The following KCNN2 variants were observed in gnomAD, a reference collection of about 807,000 sequenced individuals.
KCNN2 encodes small conductance calcium-activated potassium channel protein 2.
Under a neutral mutation model 55.5 loss-of-function variants are expected in KCNN2, and 24 were observed. The ratio of observed to expected loss-of-function variants is 0.43; its 90% CI spans 0.31 to 0.61. KCNN2 has a LOEUF of 0.61. Ranked by LOEUF, KCNN2 falls within the 20% of genes least tolerant of loss-of-function variation. The pLI is 0.08. For missense variants in KCNN2, 754 were observed against 853.6 expected (o/e 0.88, Z 1.45); for synonymous variants, 431 against 336.1 (o/e 1.28, Z -3.09).
intron 1 of KCNN2, among the ~76,000 whole-genome samples, chr5:114,128,651 T>A (rs1751987608): frequency 6.6e-6 from 1 of 152,202 alleles, no homozygotes; most frequent in Admixed American, 6.5e-5. Flanking sequence ...TTGGAACTCA[T>A]GTTAAGCTGA....
At chr5:114,138,506 A>G (rs1276594013) in intron 1 of KCNN2, among the ~76,000 whole-genome samples, 2 of 152,158 alleles carry the variant, frequency 1.3e-5, no homozygotes, top group East Asian at 1.9e-4. Context: ...TTCTCTATCA[A>G]TTGGGTGGAG....
At chr5:114,391,156 C>G (rs928130709) in intron 2 of KCNN2, among the ~76,000 whole-genome samples, 6 of 152,088 alleles carry the variant, frequency 3.9e-5, no homozygotes, top group African/African-American at 1.4e-4. Flanking sequence ...TAGAGCTTTT[C>G]CCAATACTGA....
intron 2 of KCNN2, among the ~76,000 whole-genome samples, chr5:114,277,788 C>T (rs185279582): frequency 1.4e-4 from 21 of 152,196 alleles, no homozygotes; most frequent in East Asian, 3.9e-4. Context: ...AGAACATGCT[C>T]CTTTAGCTTG....
Position 114,467,235 on chromosome 5 carries a change from G to GTGA in KCNN2, c.1779+4047_1779+4049dup, listed in dbSNP as rs1404700374. ...ATTAGCTAGAGCTCATAAAAAAGAA[G>GTGA]TGATTGGTATGAAAGAATGCGAAAC... On this transcript the variant is annotated intron_variant, in intron 4 of 7. Transcript: ENST00000673685. Among the ~76,000 whole-genome samples the GTGA allele has an allele frequency of 3.3e-5, 5 of 152,174 alleles. No homozygotes were observed. In the East Asian group the frequency reaches 9.6e-4, roughly 29 times the overall value.
chr5:114,379,775 T>C (rs971896082), intron 2 of KCNN2, among the ~76,000 whole-genome samples: 5 of 125,836 alleles, frequency 4.0e-5, no homozygotes, highest in Non-Finnish European at 7.7e-5. Flanking sequence ...GAATATATTA[T>C]ATAACATATA....
chr5:114,292,064 G>T (rs558392784), intron 2 of KCNN2, among the ~76,000 whole-genome samples: 392 of 151,448 alleles, frequency 2.6e-3, no homozygotes, highest in African/African-American at 8.6e-3. Context: ...TAAATTTGTT[G>T]GAGTTCATTG....
At chr5:114,373,552 A>C (rs1757827750) in intron 2 of KCNN2, among the ~76,000 whole-genome samples, 1 of 147,604 alleles carries the variant, frequency 6.8e-6, no homozygotes, top group Non-Finnish European at 1.5e-5. Context: ...GACCTTGGAC[A>C]GGTTACTTAA....
chr5:114,083,899 G>A (rs1212500232), intron 1 of KCNN2, among the ~76,000 whole-genome samples: 2 of 151,986 alleles, frequency 1.3e-5, no homozygotes, highest in African/African-American at 4.8e-5. Context: ...CATCTCTGTA[G>A]TACTGCTGTT....
chr5:114,069,282 T>G (rs564845682), intron 1 of KCNN2, among the ~76,000 whole-genome samples: 1 of 152,298 alleles, frequency 6.6e-6, no homozygotes, highest in South Asian at 2.1e-4. Flanking sequence ...CCTGCCTGAC[T>G]TAGTCTTGCT....
rs559889575 is a variant in KCNN2, at chr5:114,187,913, C to CAAG, written c.-270-33566_-270-33564dup. On this transcript the variant is annotated intron_variant, in intron 1 of 10. Coordinates refer to the KCNN2 transcript ENST00000512097. ...CACTGCAACCTCCGCCTCCTGGGTT[C>CAAG]AAGCAAGTCTCCTGCCTCAGCCTCC... Among the ~76,000 whole-genome samples the CAAG allele has an allele frequency of 2.0e-3, 307 of 151,732 alleles. 1 individual carries two copies. Among genetic ancestry groups the CAAG allele is most frequent in the African/African-American group, 6.9e-3 (284 of 41,292 alleles).
intron 1 of KCNN2, among the ~76,000 whole-genome samples, chr5:114,099,362 C>T: frequency 6.6e-6 from 1 of 152,160 alleles, no homozygotes; most frequent in East Asian, 1.9e-4. Context: ...TTTCCACCTC[C>T]TTTTTCATTT....
chr5:114,222,907 C>T (rs1420222882), intron 2 of KCNN2, among the ~76,000 whole-genome samples: 2 of 152,058 alleles, frequency 1.3e-5, no homozygotes, highest in African/African-American at 2.4e-5. Flanking sequence ...GAGTGAGCTG[C>T]CACAGAATGT....
intron 2 of KCNN2, among the ~76,000 whole-genome samples, chr5:114,344,515 T>C (rs558390022): frequency 2.6e-5 from 4 of 152,342 alleles, no homozygotes; most frequent in East Asian, 1.9e-4. Context: ...CAGAGTTGTA[T>C]TGGGGCATCA....
intron 1 of KCNN2, among the ~76,000 whole-genome samples, chr5:114,208,690 C>G (rs1341665281): frequency 1.3e-5 from 2 of 152,132 alleles, no homozygotes; most frequent in Non-Finnish European, 2.9e-5. Context: ...CAGTCCTCAG[C>G]CTAAAAAATC....
chr5:114,162,740 T>G (rs535725520), intron 1 of KCNN2, among the ~76,000 whole-genome samples: 198 of 152,224 alleles, frequency 1.3e-3, no homozygotes, highest in South Asian at 2.3e-3. Context: ...ACCTTGCAGT[T>G]TGATCTCAGT....
chr5:114,442,929 G>A (rs747440481), intron 3 of KCNN2, among the ~76,000 whole-genome samples: 6 of 152,030 alleles, frequency 3.9e-5, no homozygotes, highest in Non-Finnish European at 5.9e-5. Context: ...AAATTGGAAC[G>A]TCATTTAGAG....
At chr5:114,132,297 TA>T (rs1752086902) in intron 1 of KCNN2, among the ~76,000 whole-genome samples, 1 of 152,206 alleles carries the variant, frequency 6.6e-6, no homozygotes, top group Non-Finnish European at 1.5e-5. Context: ...CCTCTTGAGT[TA>T]ATTTTTGTGC....
intron 1 of KCNN2, among the ~76,000 whole-genome samples, chr5:114,151,981 ATATAT>A (rs1407432352): frequency 6.6e-6 from 1 of 152,190 alleles, no homozygotes; most frequent in Admixed American, 6.6e-5. Flanking sequence ...GCAGTGCCAG[ATATAT>A]TATATTGTGT....
intron 1 of KCNN2, among the ~76,000 whole-genome samples, chr5:114,114,211 C>G (rs1751665668): frequency 6.6e-6 from 1 of 152,028 alleles, no homozygotes; most frequent in African/African-American, 2.4e-5. Context: ...CTGGACTGCA[C>G]TGGTGGAATT....
Sources: allele counts gnomAD v4.1 joint callset (sites outside exome capture counted in the v4.1 genomes callset), GRCh38; gene constraint gnomAD v4.1.1; transcripts MANE v1.5; gene names NCBI Gene and HGNC (gene_info 2026-07-23, HGNC 2026-07-21).